STXBP5: variants seen among roughly 807,000 people sequenced by gnomAD.
The protein encoded by STXBP5 is syntaxin binding protein 5.
A neutral mutation model predicts 152.4 loss-of-function variants in STXBP5; 50 were observed. That is an observed-to-expected ratio of 0.33 (90% confidence interval 0.26 to 0.42). The LOEUF (loss-of-function observed/expected upper bound fraction) is 0.42, where lower values mean the gene tolerates loss of function less well. STXBP5 is among the 10% of genes least tolerant of loss of function. STXBP5 has a pLI of 1.00. For synonymous variants in STXBP5, 492 were observed against 494.7 expected (o/e 0.99, Z 0.07); for missense variants, 1,167 against 1,388.6 (o/e 0.84, Z 2.54).
intron 6 of STXBP5, among the ~76,000 whole-genome samples, chr6:147,266,511 A>T (rs1170997985): frequency 6.6e-6 from 1 of 152,080 alleles, no homozygotes; most frequent in Non-Finnish European, 1.5e-5. Flanking sequence ...CTAGTTAAGA[A>T]TGAGCTCCGG....
intron 9 of STXBP5, among the ~76,000 whole-genome samples, chr6:147,306,175 T>G (rs1782082086): frequency 6.6e-6 from 1 of 152,198 alleles, no homozygotes; most frequent in African/African-American, 2.4e-5. Flanking sequence ...TTAAGTCTGG[T>G]GAGGCAGTGA....
intron 21 of STXBP5, among the ~76,000 whole-genome samples, chr6:147,352,278 A>G (rs567941753): frequency 4.3e-4 from 66 of 152,250 alleles, no homozygotes; most frequent in Admixed American, 9.2e-4. Context: ...CAGATATTGT[A>G]TAATGTAATC....
rs1273743023 is a variant in STXBP5 at position 147,388,302 on chromosome 6, A to T, written c.*3547A>T. On this transcript the variant is annotated 3_prime_UTR_variant, in exon 28 of 28. Coordinates refer to ENST00000321680, the MANE Select transcript of STXBP5 (RefSeq NM_001127715.4). ...GTTTTAAAACCTTTAATAGGGTTTT[A>T]TATAGATTTAAAAAATAGTAAAATA... The T allele has an allele frequency of 6.6e-6, 1 of 151,800 alleles. No individual in the cohort carries two copies. Among genetic ancestry groups the T allele is most frequent in the African/African-American group, 2.4e-5 (1 of 41,438 alleles). The allele number at this position is 151,800 out of a possible 1,614,324, so 9.4% of individuals were successfully genotyped here.
At chr6:147,377,433 A>G (rs1785862410) in intron 26 of STXBP5, among the ~76,000 whole-genome samples, 1 of 152,232 alleles carries the variant, frequency 6.6e-6, no homozygotes, top group Non-Finnish European at 1.5e-5. Context: ...TATTAATGAA[A>G]TAGTAAAATA....
chr6:147,242,060 C>G (rs1778573236), intron 4 of STXBP5, among the ~76,000 whole-genome samples: 1 of 151,830 alleles, frequency 6.6e-6, no homozygotes, highest in African/African-American at 2.4e-5. Flanking sequence ...GTGTGTGTTA[C>G]TGTCCCTGAA....
At chr6:147,289,258 A>G (rs952525049) in intron 8 of STXBP5, among the ~76,000 whole-genome samples, 1 of 152,142 alleles carries the variant, frequency 6.6e-6, no homozygotes, top group African/African-American at 2.4e-5. Context: ...CCTACCTATG[A>G]TATTCACTGT....
chr6:147,303,485 A>T (rs547695208), intron 9 of STXBP5, among the ~76,000 whole-genome samples: 111 of 152,286 alleles, frequency 7.3e-4, no homozygotes, highest in Admixed American at 5.7e-3. Context: ...TCAGTCTCAG[A>T]TATGTCTTTA....
chr6:147,280,760 G>C (rs1195954466), intron 8 of STXBP5, among the ~76,000 whole-genome samples: 1 of 152,050 alleles, frequency 6.6e-6, no homozygotes, highest in Non-Finnish European at 1.5e-5. Context: ...GCAGAAAAGG[G>C]TCACTAGCTA....
chr6:147,338,906 C>G (rs1783963318), intron 19 of STXBP5, among the ~76,000 whole-genome samples: 1 of 151,522 alleles, frequency 6.6e-6, no homozygotes, highest in Non-Finnish European at 1.5e-5. Flanking sequence ...AATATATTTT[C>G]TAACATCTAA....
intron 21 of STXBP5, among the ~76,000 whole-genome samples, chr6:147,350,930 T>C (rs2128405845): frequency 6.6e-6 from 1 of 152,314 alleles, no homozygotes. Context: ...AGGTTACACA[T>C]GTAGTAGTTA....
chr6:147,345,964 GACCCACCTTA>G (rs1445814597), intron 21 of STXBP5, among the ~76,000 whole-genome samples: 23 of 152,262 alleles, frequency 1.5e-4, no homozygotes, highest in African/African-American at 5.3e-4. Flanking sequence ...AGAGAGCAAT[GACCCACCTTA>G]ACAACCTGCC....
intron 8 of STXBP5, among the ~76,000 whole-genome samples, chr6:147,281,743 G>A (rs1482213427): frequency 6.6e-6 from 1 of 152,158 alleles, no homozygotes; most frequent in African/African-American, 2.4e-5. Context: ...GAGTTTTAGT[G>A]TTAGGGTGTT....
intron 18 of STXBP5, among the ~76,000 whole-genome samples, 175 bp from the exon 19 acceptor site, chr6:147,333,982 T>C (rs1468377167): frequency 6.6e-6 from 1 of 152,226 alleles, no homozygotes; most frequent in African/African-American, 2.4e-5. Flanking sequence ...GTTTGAGGTA[T>C]TTTAATATAA....
At chr6:147,261,393 A>G (rs73013866) in intron 5 of STXBP5, among the ~76,000 whole-genome samples, 1,870 of 152,034 alleles carry the variant, frequency 0.012, 15 homozygotes, top group Non-Finnish European at 0.017. Flanking sequence ...TCTTTCTACA[A>G]GTTTTTTCTT....
intron 9 of STXBP5, among the ~76,000 whole-genome samples, chr6:147,308,681 GTAT>G (rs1223823714): frequency 2.6e-5 from 4 of 152,222 alleles, no homozygotes; most frequent in Admixed American, 6.5e-5. Flanking sequence ...TTTCATAAAA[GTAT>G]TATGTACACA....
At chr6:147,260,555 G>T in intron 4 of STXBP5, 60 bp from the exon 5 acceptor site, 1 of 1,596,646 alleles carries the variant, frequency 6.3e-7, no homozygotes, top group Non-Finnish European at 8.6e-7. Context: ...ACCCTCTAAT[G>T]CAATTAGTAA....
chr6:147,315,792 T>A (rs990969014), intron 15 of STXBP5, 57 bp downstream of exon 15: 3 of 1,520,036 alleles, frequency 2.0e-6, no homozygotes, highest in Non-Finnish European at 2.7e-6. Flanking sequence ...ATTTTTAAAT[T>A]TGTGGATGAT....
In STXBP5 at chr6:147,334,222, G is replaced by A; in HGVS notation, c.2146G>A (p.Gly716Ser). The change falls in exon 19 of 28, where the codon GGT (glycine) becomes AGT (serine). Residue 716 changes from glycine (G) to serine (S), a missense_variant and splice_region_variant. Physicochemically the swap from Gly to Ser is moderately conservative, Grantham distance 56. This residue lies in a region of STXBP5 where 833 missense variants were observed against 986.3 expected (regional missense o/e 0.84). Coordinates refer to ENST00000321680, the MANE Select transcript of STXBP5 (RefSeq NM_001127715.4). ...PEDRCKSPTS[G>S]SSSPHNSDDE... is the part of the protein sequence containing the mutation. The stretch of plus-strand genomic sequence containing the variant: ...GGATCGCTGCAAATCTCCAACCTCT[G>A]GTAATTTGGTTTTTTTTTATTTCAT... 6.2e-7 allele frequency: 1 copy of A among 1,610,146 alleles called. No individual in the cohort carries two copies. The highest frequency in any genetic ancestry group is 8.5e-7 in the Non-Finnish European group (1 of 1,178,326).
rs1188251852 is a variant in STXBP5 at position 147,267,108 on chromosome 6, A to C, written c.655A>C (p.Thr219Pro). ...GCTTTTGATTGGCTTTGAATCTGGA[A>C]CAGTAGTTTTATGGGACCTCAAATC... Reference protein sequence around the residue: ...GKLLIGFESGTVVLWDLKSKK... With the variant: ...GKLLIGFESGPVVLWDLKSKK... Residue 219 changes from threonine to proline, a missense_variant, in exon 7 of 28, where the codon ACA (threonine) becomes CCA (proline). This residue lies in a region of STXBP5 where 310 missense variants were observed against 346.1 expected (regional missense o/e 0.90). Coordinates refer to ENST00000321680, the MANE Select transcript of STXBP5 (RefSeq NM_001127715.4). The C allele has an allele frequency of 6.2e-7, 1 of 1,611,698 alleles. No individual in the cohort carries two copies. Among genetic ancestry groups the C allele is most frequent in the South Asian group, 1.1e-5 (1 of 90,638 alleles).
Sources: allele counts gnomAD v4.1 joint callset (sites outside exome capture counted in the v4.1 genomes callset), GRCh38; gene constraint gnomAD v4.1.1; regional missense constraint gnomAD v4.1.1; transcripts MANE v1.5; gene names NCBI Gene and HGNC (gene_info 2026-07-23, HGNC 2026-07-21).